Variants in CACNB2 observed in about 807,000 individuals in gnomAD.
The protein encoded by CACNB2 is calcium voltage-gated channel auxiliary subunit beta 2.
In CACNB2, 42 loss-of-function variants were observed where a neutral mutation model predicts 73.3. That is an observed-to-expected ratio of 0.57 (90% CI 0.45 to 0.74). CACNB2 has a LOEUF of 0.74. Among genes scored for constraint, CACNB2 ranks in the 30% least tolerant of loss-of-function variants. The pLI is 0.00. For missense variants in CACNB2, 940 were observed against 853.0 expected, an observed-to-expected ratio of 1.10 and a Z score of -1.27; for synonymous variants, 348 against 310.3, an observed-to-expected ratio of 1.12 and a Z score of -1.28.
chr10:18,356,196 A>G (rs2041901991), intron 2 of CACNB2, among the ~76,000 whole-genome samples: 1 of 152,138 alleles, frequency 6.6e-6, no homozygotes, highest in East Asian at 1.9e-4. Context: ...TGAAGCTGCC[A>G]TAGGCTGGGC....
intron 2 of CACNB2, among the ~76,000 whole-genome samples, chr10:18,175,428 T>C (rs970934638): frequency 5.3e-5 from 8 of 152,100 alleles, no homozygotes; most frequent in African/African-American, 1.9e-4. Flanking sequence ...ATGTGCGTAT[T>C]GGGTCAGAAT....
intron 2 of CACNB2, among the ~76,000 whole-genome samples, chr10:18,316,829 T>C (rs1369525417): frequency 2.6e-5 from 4 of 152,188 alleles, no homozygotes; most frequent in African/African-American, 9.7e-5. Flanking sequence ...CCAGGTTCTC[T>C]GTCCTTTTTG....
intron 2 of CACNB2, among the ~76,000 whole-genome samples, chr10:18,398,180 T>C (rs1461994680): frequency 6.6e-6 from 1 of 152,208 alleles, no homozygotes; most frequent in East Asian, 1.9e-4. Context: ...TCTAACTGAA[T>C]AAATCCACAC....
intron 2 of CACNB2, among the ~76,000 whole-genome samples, chr10:18,350,275 A>G (rs967001242): frequency 6.6e-6 from 1 of 152,070 alleles, no homozygotes; most frequent in African/African-American, 2.4e-5. Context: ...AATAAAAATA[A>G]TAATAATAAT....
intron 2 of CACNB2, among the ~76,000 whole-genome samples, chr10:18,299,577 G>A (rs2039424330): frequency 6.6e-6 from 1 of 152,164 alleles, no homozygotes; most frequent in African/African-American, 2.4e-5. Context: ...CAGGCATGGT[G>A]GCATATACCT....
At chr10:18,465,589 T>G (rs1006335124) in intron 3 of CACNB2, among the ~76,000 whole-genome samples, 4 of 152,164 alleles carry the variant, frequency 2.6e-5, no homozygotes, top group Non-Finnish European at 5.9e-5. Flanking sequence ...TCCTGGTTAC[T>G]TCCTCCCAGG....
At chr10:18,261,125 C>A in intron 2 of CACNB2, 8 of 1,398,338 alleles carry the variant, frequency 5.7e-6, no homozygotes, top group Non-Finnish European at 6.6e-6. Flanking sequence ...TTAGAAACTA[C>A]CTAGGAGGCA....
At chr10:18,396,459 A>T (rs1242711053) in intron 2 of CACNB2, among the ~76,000 whole-genome samples, 1 of 152,152 alleles carries the variant, frequency 6.6e-6, no homozygotes, top group Non-Finnish European at 1.5e-5. Context: ...TGGCCCGCTG[A>T]AGTCTATCCC....
chr10:18,469,025 A>G (rs1391098275), intron 3 of CACNB2, among the ~76,000 whole-genome samples: 4 of 152,250 alleles, frequency 2.6e-5, no homozygotes, highest in African/African-American at 9.6e-5. Flanking sequence ...TAATATTAAG[A>G]ATTGTTTGAC....
chr10:18,219,350 A>G (rs1019003630), intron 2 of CACNB2, among the ~76,000 whole-genome samples: 6 of 152,206 alleles, frequency 3.9e-5, no homozygotes, highest in African/African-American at 1.4e-4. Context: ...GATGAAAAAT[A>G]GGAGAGAACC....
chr10:18,144,135 T>C (rs2030719766), intron 1 of CACNB2, among the ~76,000 whole-genome samples: 1 of 152,218 alleles, frequency 6.6e-6, no homozygotes, highest in Non-Finnish European at 1.5e-5. Flanking sequence ...TGGAGTGCAG[T>C]GGCATTATCT....
intron 2 of CACNB2, among the ~76,000 whole-genome samples, chr10:18,202,595 G>T (rs2034928579): frequency 6.6e-6 from 1 of 152,172 alleles, no homozygotes; most frequent in Middle Eastern, 3.2e-3. Context: ...AATTAGAGAT[G>T]ATATAGTTTA....
At position 18,513,833 on chromosome 10, in the gene CACNB2, T is replaced by C. The variant is rs138060953; in HGVS notation, c.671-403T>C. 2.4e-3 allele frequency among the ~76,000 whole-genome samples: 368 copies of C among 152,316 alleles called. 2 individuals carry two copies. The highest frequency in any genetic ancestry group is 8.2e-3 in the African/African-American group (339 of 41,568). On this transcript the variant is annotated intron_variant, in intron 6 of 13. Transcript: ENST00000324631. The stretch of plus-strand genomic sequence containing the variant: ...CAATTACTTTTGCATTCACCTATAA[T>C]AAAGGTTTTCAAAGTAGTTGTTTGT...
At chr10:18,493,171 GTCTTTC>G (rs2049559163) in intron 3 of CACNB2, among the ~76,000 whole-genome samples, 1 of 152,006 alleles carries the variant, frequency 6.6e-6, no homozygotes, top group Admixed American at 6.6e-5. Context: ...ATAGTACGCT[GTCTTTC>G]TCTTTGTTTG....
intron 3 of CACNB2, among the ~76,000 whole-genome samples, chr10:18,444,759 A>G (rs1031067180): frequency 1.2e-4 from 19 of 152,218 alleles, no homozygotes; most frequent in African/African-American, 4.6e-4. Flanking sequence ...AATTCAGCCA[A>G]TGCTAGCTAG....
chr10:18,304,972 G>C (rs187022250), intron 2 of CACNB2, among the ~76,000 whole-genome samples: 1 of 152,180 alleles, frequency 6.6e-6, no homozygotes, highest in Non-Finnish European at 1.5e-5. Flanking sequence ...TGTCAACTTT[G>C]AGAAATAGAA....
chr10:18,323,784 A>T (rs1429248991), intron 2 of CACNB2, among the ~76,000 whole-genome samples: 1 of 152,210 alleles, frequency 6.6e-6, no homozygotes, highest in Admixed American at 6.5e-5. Context: ...GGAAAGCTTT[A>T]TGTTGTTAAT....
At chr10:18,261,196 G>C (rs749985180) in intron 2 of CACNB2, 3 of 1,549,276 alleles carry the variant, frequency 1.9e-6, no homozygotes, top group African/African-American at 2.7e-5. Context: ...GAAATGGACC[G>C]AGGCTGTGAC....
At chr10:18,158,845 G>A (rs1420723832) in intron 2 of CACNB2, among the ~76,000 whole-genome samples, 4 of 152,192 alleles carry the variant, frequency 2.6e-5, no homozygotes, top group Non-Finnish European at 5.9e-5. Flanking sequence ...AAGAGATTGT[G>A]CAAGAATTGC....
Sources: gnomAD v4.1 joint callset for allele counts (sites outside exome capture counted in the v4.1 genomes callset) on GRCh38, gnomAD v4.1.1 for gene constraint, MANE v1.5 for transcripts, NCBI Gene and HGNC (gene_info 2026-07-23, HGNC 2026-07-21) for gene names.